Variants in HSPBP1 observed in about 807,000 individuals in gnomAD.
HSPBP1 encodes HSPA (Hsp70) binding protein 1.
A neutral mutation model predicts 41.7 loss-of-function variants in HSPBP1; 31 were observed. That is an observed-to-expected ratio of 0.74 (90% CI 0.56 to 1.00). HSPBP1 has a LOEUF of 1.00. Among genes scored for constraint, HSPBP1 ranks in the 50% least tolerant of loss-of-function variants. HSPBP1 has a pLI of 0.00. For missense variants in HSPBP1, 439 were observed against 487.9 expected, an observed-to-expected ratio of 0.90 and a Z score of 0.94; for synonymous variants, 199 against 214.4, an observed-to-expected ratio of 0.93 and a Z score of 0.63.
At chr19:55,266,319 T>TCAC in intron 4 of HSPBP1, 33 bp from the exon 5 acceptor site, 1 of 1,539,010 alleles carries the variant, frequency 6.5e-7, no homozygotes, top group Non-Finnish European at 8.8e-7. Context: ...GAGCTTGCAG[T>TCAC]CACCACCACC....
rs1233282316 is a variant in HSPBP1 at position 55,272,376 on chromosome 19, C to G, written c.640+2022G>C. On this transcript the variant is annotated intron_variant, in intron 4 of 7. Coordinates refer to ENST00000433386, the MANE Select transcript of HSPBP1 (RefSeq NM_012267.5). The surrounding 1 kb of genome is among the most constrained non-coding windows in gnomAD (Gnocchi z 4.2). ...GGGACCTTGCAGCATATGAAAGGAG[C>G]CAGGCAGAAAAGGCCTCACGGTGTG... is the stretch of plus-strand genomic sequence containing the variant. 6.6e-6 allele frequency among the ~76,000 whole-genome samples: 1 copy of G among 152,150 alleles called. No individual in the cohort carries two copies. Among genetic ancestry groups the G allele is most frequent in the Non-Finnish European group, 1.5e-5 (1 of 68,034 alleles).
chr19:55,270,541 C>T lies in HSPBP1; in HGVS notation c.640+3857G>A, dbSNP rs950696366. Among the ~76,000 whole-genome samples the T allele has an allele frequency of 1.3e-5, 2 of 152,088 alleles. No homozygotes were observed. Among genetic ancestry groups the T allele is most frequent in the East Asian group, 1.9e-4 (1 of 5,196 alleles). On this transcript the variant is annotated intron_variant, in intron 4 of 7. Coordinates refer to ENST00000433386, the MANE Select transcript of HSPBP1 (RefSeq NM_012267.5). This position sits in a 1 kb window ranked among gnomAD's most constrained non-coding sequence, Gnocchi z 5.4. Reference sequence around the variant, plus strand: ...AGGGGCCACTGCTGCATTCCTCACCCGCAGGAAGGGGAAAGATAAGCTACT... The same window carrying T: ...AGGGGCCACTGCTGCATTCCTCACCTGCAGGAAGGGGAAAGATAAGCTACT...
In HSPBP1 at chr19:55,272,342, C is replaced by T. The variant is rs998285510; in HGVS notation, c.640+2056G>A. The stretch of plus-strand genomic sequence containing the variant: ...GAAGGAACACAGCACTGCCACCCGC[C>T]ACCACTCGGGGACCTTGCAGCATAT... On this transcript the variant is annotated intron_variant, in intron 4 of 7. Coordinates refer to ENST00000433386, the MANE Select transcript of HSPBP1 (RefSeq NM_012267.5). The surrounding 1 kb of genome is among the most constrained non-coding windows in gnomAD (Gnocchi z 4.2). Among the ~76,000 whole-genome samples, 1 of 152,128 alleles carries T rather than the reference C, an allele frequency of 6.6e-6. No homozygotes were observed. The highest frequency in any genetic ancestry group is 6.6e-5 in the Admixed American group (1 of 15,260).
rs2087842828 is a variant in HSPBP1 at position 55,268,452 on chromosome 19, C to A, written c.641-2166G>T. ...TCTCACACACACACAAAAAGAAAAC[C>A]AAAAAAAGAAAAACACACACAACGT... On this transcript the variant is annotated intron_variant, in intron 4 of 7. Transcript: ENST00000433386. This position sits in a 1 kb window ranked among gnomAD's most constrained non-coding sequence, Gnocchi z 4.5. Among the ~76,000 whole-genome samples, 1 of 151,668 alleles carries A rather than the reference C, an allele frequency of 6.6e-6. No homozygotes were observed. Among genetic ancestry groups the A allele is most frequent in the Non-Finnish European group, 1.5e-5 (1 of 67,896 alleles).
intron 4 of HSPBP1, among the ~76,000 whole-genome samples, chr19:55,266,835 A>T (rs1469445702): frequency 6.6e-6 from 1 of 152,180 alleles, no homozygotes; most frequent in African/African-American, 2.4e-5. Context: ...ATCACCCCCC[A>T]AAGGAAACCT....
At position 55,268,303 on chromosome 19, in the gene HSPBP1, G is replaced by C. The variant is rs370666588; in HGVS notation, c.641-2017C>G. On this transcript the variant is annotated intron_variant, in intron 4 of 7. Transcript: ENST00000433386. This position sits in a 1 kb window ranked among gnomAD's most constrained non-coding sequence, Gnocchi z 4.5. ...AAATTAGCTGGGCGTGGTGGCGTGC[G>C]TCTGTAATCCCAGCTACTAGGGAGG... is the stretch of plus-strand genomic sequence containing the variant. Among the ~76,000 whole-genome samples, 2 of 151,972 alleles carry C rather than the reference G, an allele frequency of 1.3e-5. No homozygotes were observed. Among genetic ancestry groups the C allele is most frequent in the Admixed American group, 1.3e-4 (2 of 15,250 alleles).
At position 55,277,652 on chromosome 19, in the gene HSPBP1, G is replaced by T; in HGVS notation, c.405C>A (p.Asp135Glu). 6.2e-7 allele frequency: 1 copy of T among 1,605,938 alleles called. No individual in the cohort carries two copies. ...GGGGAAGCGGGGTACCTGCGGCATT[G>T]TCCATGTTCTCACACAGGTCGGCCA... ...ELLADLCENM[D>E]NAADFCQLSG... is the part of the protein sequence containing the mutation. The change falls in exon 3 of 8, where the codon GAC (aspartate) becomes GAA (glutamate). Residue 135 changes from aspartate to glutamate, a missense_variant. Transcript: ENST00000433386.
At chr19:55,266,448 TCCTCAC>T (rs1222382348) in intron 4 of HSPBP1, among the ~76,000 whole-genome samples, 162 bp from the exon 5 acceptor site, 1 of 1,724 alleles carries the variant, frequency 5.8e-4, no homozygotes, top group Non-Finnish European at 1.6e-3. Context: ...ACCATTCTCA[TCCTCAC>T]CACCATCACC....
chr19:55,262,952 A>G (rs1002025542), intron 7 of HSPBP1, among the ~76,000 whole-genome samples: 5 of 152,116 alleles, frequency 3.3e-5, no homozygotes, highest in African/African-American at 7.2e-5. Context: ...GGCTCTTTCT[A>G]ACTCCCAGAT....
chr19:55,262,421 G>A lies in HSPBP1; in HGVS notation c.*187C>T. The A allele has an allele frequency of 1.4e-6, 2 of 1,414,106 alleles. No homozygotes were observed. Among genetic ancestry groups the A allele is most frequent in the Non-Finnish European group, 1.8e-6 (2 of 1,085,740 alleles). 87.6% of individuals were successfully genotyped at this position (1,414,106 alleles called of 1,614,324 possible). ...GAACGGGGATGAGAGTGAGAGCATGGGAGGTGGGGTCCAAGGAGCTGGTGC... is the reference window on the plus strand; with the variant it reads ...GAACGGGGATGAGAGTGAGAGCATGAGAGGTGGGGTCCAAGGAGCTGGTGC... On this transcript the variant is annotated 3_prime_UTR_variant, in exon 8 of 8. Transcript: ENST00000433386.
chr19:55,275,384 A>T (rs906438136), intron 3 of HSPBP1, among the ~76,000 whole-genome samples: 5 of 152,240 alleles, frequency 3.3e-5, no homozygotes, highest in Non-Finnish European at 7.3e-5. Flanking sequence ...GGACTCAGAT[A>T]CTTATATACT....
intron 3 of HSPBP1, 57 bp from the exon 4 acceptor site, chr19:55,274,679 C>G: frequency 3.5e-6 from 5 of 1,442,180 alleles, no homozygotes; most frequent in Middle Eastern, 2.0e-4. Context: ...ACCGTGCCCC[C>G]CAAAATGCAT....
intron 2 of HSPBP1, among the ~76,000 whole-genome samples, chr19:55,278,934 A>AC (rs1424703954): frequency 1.3e-5 from 2 of 151,472 alleles, no homozygotes; most frequent in Non-Finnish European, 2.9e-5. Context: ...AAAAAAAAAA[A>AC]AAAAAAACAG....
intron 4 of HSPBP1, 41 bp from the exon 5 acceptor site, chr19:55,266,327 A>G (rs373368837): frequency 1.0e-4 from 154 of 1,530,706 alleles, no homozygotes; most frequent in Non-Finnish European, 1.3e-4. Flanking sequence ...AGTCACCACC[A>G]CCACCACTGT....
At chr19:55,276,687 C>T (rs562043989) in intron 3 of HSPBP1, among the ~76,000 whole-genome samples, 15 of 152,146 alleles carry the variant, frequency 9.9e-5, no homozygotes, top group East Asian at 9.7e-4. Flanking sequence ...AGCCATCCTG[C>T]GGATTGGAGC....
In HSPBP1 at chr19:55,262,729, G is replaced by A. The variant is rs79905168; in HGVS notation, c.1006-47C>T. 4.7e-4 allele frequency: 734 copies of A among 1,555,748 alleles called. 4 individuals carry two copies. In the African/African-American group the frequency reaches 8.6e-3, roughly 18 times the overall value. ...AGCAAGGGGCCTGAGTGCAGAGGCCGGACCCTGCCTCCAGCATTCTTGGCA... is the reference window on the plus strand; with the variant it reads ...AGCAAGGGGCCTGAGTGCAGAGGCCAGACCCTGCCTCCAGCATTCTTGGCA... On this transcript the variant is annotated intron_variant, in intron 7 of 7. Transcript: ENST00000433386.
intron 3 of HSPBP1, among the ~76,000 whole-genome samples, chr19:55,276,591 C>T (rs1244434663): frequency 1.3e-5 from 2 of 152,184 alleles, no homozygotes; most frequent in Non-Finnish European, 2.9e-5. Context: ...TGATTGGACA[C>T]TCAGCACAGT....
intron 4 of HSPBP1, 66 bp downstream of exon 4, chr19:55,274,331 CG>C: frequency 2.6e-6 from 3 of 1,144,024 alleles, no homozygotes; most frequent in South Asian, 1.4e-5. Context: ...CAGCAGATCC[CG>C]GGGGCCCACC....
rs1012814715 is a variant in HSPBP1 at position 55,269,413 on chromosome 19, G to A, written c.641-3127C>T. ...CGCCCACCTTCCACCCACCCTCGCCGCATTCACCCTCTTCTCTGTGCAGCA... is the reference window on the plus strand; with the variant it reads ...CGCCCACCTTCCACCCACCCTCGCCACATTCACCCTCTTCTCTGTGCAGCA... On this transcript the variant is annotated intron_variant, in intron 4 of 7. Transcript: ENST00000433386. Among the ~76,000 whole-genome samples the A allele has an allele frequency of 4.6e-5, 7 of 152,084 alleles. No individual in the cohort carries two copies. In the South Asian group the frequency reaches 6.2e-4, roughly 14 times the overall value.
Sources: allele counts gnomAD v4.1 joint callset (sites outside exome capture counted in the v4.1 genomes callset), GRCh38; gene constraint gnomAD v4.1.1; non-coding constraint Gnocchi (gnomAD v3.1); transcripts MANE v1.5; gene names NCBI Gene and HGNC (gene_info 2026-07-23, HGNC 2026-07-21).